The following STK31 variants were observed in gnomAD, a reference collection of about 807,000 sequenced individuals.
STK31 encodes serine/threonine-protein kinase 31.
In STK31, 89 loss-of-function variants were observed where a neutral mutation model predicts 129.7. That is an observed-to-expected ratio of 0.69 (90% confidence interval 0.58 to 0.82). STK31 has a LOEUF of 0.82. STK31 is among the 40% of genes least tolerant of loss of function. The pLI, the probability that STK31 is intolerant of heterozygous loss-of-function variation, is 0.00. For synonymous variants in STK31, 448 were observed against 395.3 expected, an observed-to-expected ratio of 1.13 and a Z score of -1.58; for missense variants, 1,187 against 1,176.4, an observed-to-expected ratio of 1.01 and a Z score of -0.13.
intron 23 of STK31, among the ~76,000 whole-genome samples, chr7:23,825,885 C>G (rs150122610): frequency 1.2e-3 from 185 of 152,196 alleles, no homozygotes; most frequent in African/African-American, 4.2e-3. Context: ...GCAGGTTGTT[C>G]AGTTTCCATG....
At chr7:23,717,377 T>C (rs1786407711) in intron 3 of STK31, 104 bp from the exon 4 acceptor site, 6 of 648,824 alleles carry the variant, frequency 9.2e-6, no homozygotes, top group Non-Finnish European at 1.4e-5. Context: ...ATTTAATTTC[T>C]AATGGCCTAA....
intron 20 of STK31, 114 bp downstream of exon 20, chr7:23,787,038 T>A (rs755341628): frequency 2.1e-5 from 21 of 988,570 alleles, no homozygotes; most frequent in Non-Finnish European, 3.2e-5. Context: ...ACTCATGGTA[T>A]TCTATTTGTC....
At position 23,726,763 on chromosome 7, in the gene STK31, G is replaced by A. The variant is rs73080959; in HGVS notation, c.250-478G>A. ...GTTTTATCTACTTAATAGGACTAAT[G>A]TCCTTATACGTAAAGTAAAAAGTAT... On this transcript the variant is annotated intron_variant, in intron 4 of 23. Coordinates refer to ENST00000355870, the MANE Select transcript of STK31 (RefSeq NM_031414.5). Among the ~76,000 whole-genome samples the A allele has an allele frequency of 7.3e-3, 1,112 of 152,168 alleles. 1 individual carries two copies. Among genetic ancestry groups the A allele is most frequent in the South Asian group, 0.024 (115 of 4,814 alleles).
At chr7:23,808,458 T>C (rs1361992256) in intron 22 of STK31, among the ~76,000 whole-genome samples, 2 of 152,098 alleles carry the variant, frequency 1.3e-5, no homozygotes, top group Non-Finnish European at 2.9e-5. Context: ...GTGGAAGTTT[T>C]ACTCCCCAGT....
chr7:23,747,392 C>T (rs143613874), intron 8 of STK31, among the ~76,000 whole-genome samples: 1,389 of 106,008 alleles, frequency 0.013, 9 homozygotes, highest in Non-Finnish European at 0.02. Flanking sequence ...TTTTTGGAGA[C>T]GGAGTCTCAC....
chr7:23,757,864 C>T (rs1789198548), intron 10 of STK31, among the ~76,000 whole-genome samples: 1 of 152,152 alleles, frequency 6.6e-6, no homozygotes, highest in African/African-American at 2.4e-5. Context: ...CTTTCCTAGG[C>T]AGAGGTCCCT....
intron 22 of STK31, among the ~76,000 whole-genome samples, chr7:23,804,879 T>A (rs1792599605): frequency 1.4e-5 from 2 of 146,128 alleles, no homozygotes; most frequent in Admixed American, 1.3e-4. Flanking sequence ...ACTGTCTCTC[T>A]TTTCTTCCAG....
chr7:23,739,319 T>C (rs1261651413), intron 8 of STK31, among the ~76,000 whole-genome samples: 1 of 151,950 alleles, frequency 6.6e-6, no homozygotes, highest in Non-Finnish European at 1.5e-5. Flanking sequence ...TTTTTGATGG[T>C]GTTGTTTTTT....
At position 23,732,241 on chromosome 7, in the gene STK31, G is replaced by T. The variant is rs1218104170; in HGVS notation, c.483+2992G>T. The stretch of plus-strand genomic sequence containing the variant: ...TGGGAGGATTGCTTGAGCTTGAGGG[G>T]TCAAGGCTGTGAGACCCTGTCTGAA... On this transcript the variant is annotated intron_variant, in intron 6 of 23. Coordinates refer to ENST00000355870, the MANE Select transcript of STK31 (RefSeq NM_031414.5). Among the ~76,000 whole-genome samples the T allele has an allele frequency of 2.6e-5, 4 of 151,836 alleles. No individual in the cohort carries two copies. The East Asian group carries it at 7.7e-4, about 29-fold the overall frequency.
intron 22 of STK31, among the ~76,000 whole-genome samples, chr7:23,794,523 A>G (rs1791833174): frequency 6.6e-6 from 1 of 152,202 alleles, no homozygotes; most frequent in African/African-American, 2.4e-5. Context: ...TGCTGTAAAG[A>G]TACCCGAAAA....
intron 22 of STK31, among the ~76,000 whole-genome samples, chr7:23,802,375 G>T (rs779566879): frequency 6.6e-6 from 1 of 152,192 alleles, no homozygotes; most frequent in Non-Finnish European, 1.5e-5. Context: ...CGTAATTGGG[G>T]TTTGTTTATC....
intron 23 of STK31, among the ~76,000 whole-genome samples, chr7:23,821,904 G>A (rs998867261): frequency 2.6e-5 from 4 of 152,092 alleles, no homozygotes; most frequent in African/African-American, 9.7e-5. Context: ...ATTTATTGAA[G>A]TGGGTGTCTT....
At chr7:23,745,720 T>G (rs1584372344) in intron 8 of STK31, among the ~76,000 whole-genome samples, 1 of 152,134 alleles carries the variant, frequency 6.6e-6, no homozygotes, top group Non-Finnish European at 1.5e-5. Context: ...GCTGGTGGGG[T>G]TGGGGTTCCT....
intron 4 of STK31, chr7:23,721,276 T>G: frequency 1.8e-6 from 1 of 568,610 alleles, no homozygotes; most frequent in Non-Finnish European, 3.2e-6. Flanking sequence ...CTAAGGGAAT[T>G]ACTGGTGGCA....
intron 22 of STK31, among the ~76,000 whole-genome samples, chr7:23,810,119 TTAG>T (rs1342314306): frequency 6.6e-6 from 1 of 152,196 alleles, no homozygotes; most frequent in Non-Finnish European, 1.5e-5. Flanking sequence ...TTATGTCCTC[TTAG>T]TAGATTGATA....
At chr7:23,808,545 C>T (rs1792866496) in intron 22 of STK31, among the ~76,000 whole-genome samples, 1 of 152,058 alleles carries the variant, frequency 6.6e-6, no homozygotes, top group Non-Finnish European at 1.5e-5. Context: ...TGCTTTGTTT[C>T]ACTTTTTTTG....
rs1791209590 is a variant in STK31 at position 23,785,422 on chromosome 7, T to C, written c.2149-56T>C. ...ATCGTGTAACTAATTATTTTGATGATTTTTAAGTGCTGGGATTGTTTGGAT... is the reference window on the plus strand; with the variant it reads ...ATCGTGTAACTAATTATTTTGATGACTTTTAAGTGCTGGGATTGTTTGGAT... On this transcript the variant is annotated intron_variant, in intron 17 of 23. Transcript: ENST00000355870. The C allele has an allele frequency of 3.2e-6, 5 of 1,586,304 alleles. No homozygotes were observed. The South Asian group carries it at 3.4e-5, about 11-fold the overall frequency.
At chr7:23,721,382 A>G in intron 4 of STK31, 2 of 1,009,434 alleles carry the variant, frequency 2.0e-6, no homozygotes, top group South Asian at 1.4e-5. Flanking sequence ...TTTTCTCAGT[A>G]AATTTTGAGG....
chr7:23,746,042 G>A (rs1562567280), intron 8 of STK31, among the ~76,000 whole-genome samples: 1 of 152,240 alleles, frequency 6.6e-6, no homozygotes, highest in Admixed American at 6.5e-5. Context: ...GTGGCTGTGG[G>A]CAGGAGATGT....
Sources: allele counts gnomAD v4.1 joint callset (sites outside exome capture counted in the v4.1 genomes callset), GRCh38; gene constraint gnomAD v4.1.1; transcripts MANE v1.5; gene names NCBI Gene and HGNC (gene_info 2026-07-23, HGNC 2026-07-21).